PLPP5: variants seen among roughly 807,000 people sequenced by gnomAD.
The protein encoded by PLPP5 is phospholipid phosphatase 5, also known as diacylglycerol pyrophosphate like 1.
PLPP5 carries 29 observed loss-of-function variants against 23.6 expected under a neutral mutation model. The observed-to-expected ratio is 1.23, with a 90% CI of 0.92 to 1.68. The LOEUF is 1.68. PLPP5 is among the 40% of genes most tolerant of loss of function. The probability of loss-of-function intolerance (pLI) is 0.00; values close to 1 mark genes in which losing one functional copy is unlikely to be tolerated. For missense variants in PLPP5, 315 were observed against 332.1 expected (o/e 0.95, Z 0.40); for synonymous variants, 143 against 131.3 (o/e 1.09, Z -0.61).
At position 38,263,694 on chromosome 8, in the gene PLPP5, G is replaced by A. The variant is rs1304641707; in HGVS notation, c.*750C>T. On this transcript the variant is annotated 3_prime_UTR_variant, in exon 7 of 7. Coordinates refer to ENST00000424479, the MANE Select transcript of PLPP5 (RefSeq NM_001102559.2). ...GAATTGTCATCAGAGAAGGTAAACAGAATCAAAGTAATTTAGTTGGCCATG... is the reference window on the plus strand; with the variant it reads ...GAATTGTCATCAGAGAAGGTAAACAAAATCAAAGTAATTTAGTTGGCCATG... The A allele has an allele frequency of 1.0e-6, 1 of 985,058 alleles. No homozygotes were observed. The highest frequency in any genetic ancestry group is 1.7e-5 in the African/African-American group (1 of 57,206). The allele number at this position is 985,058 out of a possible 1,614,324, so 61.0% of individuals were successfully genotyped here. A position where few individuals can be genotyped will look rare whatever the true frequency, so the allele number is the denominator to read the frequency against.
intron 5 of PLPP5, chr8:38,267,018 C>T: frequency 1.4e-6 from 2 of 1,380,900 alleles, no homozygotes; most frequent in East Asian, 2.6e-5. Flanking sequence ...TACAAGATTG[C>T]AGGATCTAGG....
chr8:38,268,282 C>A, intron 3 of PLPP5, 89 bp downstream of exon 3: 2 of 1,237,004 alleles, frequency 1.6e-6, no homozygotes, highest in Middle Eastern at 2.4e-4. Context: ...AACTCAGTGG[C>A]CTCCACACAG....
intron 3 of PLPP5, 108 bp from the exon 4 acceptor site, chr8:38,268,068 C>A (rs1396826062): frequency 1.3e-6 from 2 of 1,545,570 alleles, no homozygotes. Context: ...AGAATCCAAC[C>A]AGGCCTGGGC....
Position 38,263,579 on chromosome 8 carries a change from C to T in PLPP5, c.*865G>A, listed in dbSNP as rs1807203544. ...TTATGCCCACGGTGTTCAAAATGCA[C>T]AGCAGTACCAGATGGCTGGACTCAG... On this transcript the variant is annotated 3_prime_UTR_variant, in exon 7 of 7. Coordinates refer to ENST00000424479, the MANE Select transcript of PLPP5 (RefSeq NM_001102559.2). 1.0e-6 allele frequency: 1 copy of T among 985,352 alleles called. No homozygotes were observed. Among genetic ancestry groups the T allele is most frequent in the Non-Finnish European group, 1.2e-6 (1 of 829,870 alleles). The allele number at this position is 985,352 out of a possible 1,614,324, so 61.0% of individuals were successfully genotyped here. A position where few individuals can be genotyped will look rare whatever the true frequency, so the allele number is the denominator to read the frequency against.
chr8:38,268,837 A>G (rs1808176916), intron 2 of PLPP5, 45 bp downstream of exon 2: 2 of 1,490,752 alleles, frequency 1.3e-6, no homozygotes, highest in Non-Finnish European at 1.8e-6. Context: ...GCCCGCGGGA[A>G]GCCGGGTCAT....
chr8:38,264,424 C>T lies in PLPP5; in HGVS notation c.*20G>A, dbSNP rs764734698. 1.7e-4 allele frequency: 254 copies of T among 1,530,032 alleles called. No individual in the cohort carries two copies. The highest frequency in any genetic ancestry group is 2.2e-4 in the Non-Finnish European group (246 of 1,139,376). 94.8% of individuals were successfully genotyped at this position (1,530,032 alleles called of 1,614,324 possible). ...TTGGGATTACAGGCATGAGCCACCA[C>T]GCCCGGCCAGATTCAATTTTTAAAT... On this transcript the variant is annotated 3_prime_UTR_variant, in exon 7 of 7. Coordinates refer to ENST00000424479, the MANE Select transcript of PLPP5 (RefSeq NM_001102559.2).
At position 38,267,881 on chromosome 8, in the gene PLPP5, A is replaced by C; in HGVS notation, c.338+16T>G. ...GGCTGAGGCAGATGCTGGGGTGGTTAGCTGTTGTCACTTACCTCCCTACGA... is the reference window on the plus strand; with the variant it reads ...GGCTGAGGCAGATGCTGGGGTGGTTCGCTGTTGTCACTTACCTCCCTACGA... On this transcript the variant is annotated intron_variant, in intron 4 of 6. Coordinates refer to ENST00000424479, the MANE Select transcript of PLPP5 (RefSeq NM_001102559.2). 6.2e-7 allele frequency: 1 copy of C among 1,613,216 alleles called. No homozygotes were observed. Among genetic ancestry groups the C allele is most frequent in the Admixed American group, 1.7e-5 (1 of 60,020 alleles).
chr8:38,267,799 A>G, intron 4 of PLPP5, 98 bp downstream of exon 4: 1 of 1,227,006 alleles, frequency 8.1e-7, no homozygotes, highest in Admixed American at 1.9e-5. Context: ...ATAAAGGAGA[A>G]AAGAATGAGA....
At chr8:38,267,738 GT>G in intron 4 of PLPP5, 158 bp downstream of exon 4, 1 of 759,210 alleles carries the variant, frequency 1.3e-6, no homozygotes, top group Non-Finnish European at 2.1e-6. Flanking sequence ...GAGGACTGAG[GT>G]ATGGGGAAGG....
In PLPP5 at chr8:38,268,879, C is replaced by T; in HGVS notation, c.183+3G>A. 2 of 1,551,294 alleles carry T rather than the reference C, an allele frequency of 1.3e-6. No individual in the cohort carries two copies. The highest frequency in any genetic ancestry group is 1.7e-4 in the Middle Eastern group (1 of 5,818). On this transcript the variant is annotated splice_donor_region_variant and intron_variant, in intron 2 of 6. Coordinates refer to ENST00000424479, the MANE Select transcript of PLPP5 (RefSeq NM_001102559.2). ...GGAGGAAAGACGATCTTTCTCCACGCACAAACATCGGCTTGGTGGGGAAAT... is the reference window on the plus strand; with the variant it reads ...GGAGGAAAGACGATCTTTCTCCACGTACAAACATCGGCTTGGTGGGGAAAT...
At chr8:38,267,178 A>G (rs1807752024) in intron 5 of PLPP5, 89 bp downstream of exon 5, 1 of 1,609,022 alleles carries the variant, frequency 6.2e-7, no homozygotes, top group East Asian at 2.2e-5. Context: ...AAACAAGAGT[A>G]GTCAGATTTT....
rs1464423929 is a variant in PLPP5 at position 38,269,107 on chromosome 8, G to A, written c.74+19C>T. The A allele has an allele frequency of 3.3e-6, 5 of 1,525,742 alleles. No individual in the cohort carries two copies. The highest frequency in any genetic ancestry group is 1.9e-4 in the Middle Eastern group (1 of 5,198). The allele number at this position is 1,525,742 out of a possible 1,614,324, so 94.5% of individuals were successfully genotyped here. ...CTGGGAAGCGGGGCCGCCCGGGCCCGGCCGTGGATCTTTCTTACAGGAAGG... is the reference window on the plus strand; with the variant it reads ...CTGGGAAGCGGGGCCGCCCGGGCCCAGCCGTGGATCTTTCTTACAGGAAGG... On this transcript the variant is annotated intron_variant, in intron 1 of 6. Transcript: ENST00000424479.
rs766098516 is a variant in PLPP5, at chr8:38,267,384, G to GGCGTGGCCTGGAAGAAAGCA, written c.339-13_345dup (p.Pro116CysfsTer19). On this transcript the variant is annotated frameshift_variant, in exon 5 of 7. Transcript: ENST00000424479. LOFTEE classifies it high-confidence loss of function. ...GGGAAGCAGCGGTAGAAGAAATCTG[G>GGCGTGGCCTGGAAGAAAGCA]GCGTGGCCTGGAAGAAAGCAGCATG... 2.5e-6 allele frequency: 4 copies of GGCGTGGCCTGGAAGAAAGCA among 1,613,160 alleles called. No homozygotes were observed. Among genetic ancestry groups the GGCGTGGCCTGGAAGAAAGCA allele is most frequent in the Non-Finnish European group, 3.4e-6 (4 of 1,179,526 alleles).
At chr8:38,267,425 A>C (rs749764416) in intron 4 of PLPP5, 34 bp from the exon 5 acceptor site, 1 of 1,603,608 alleles carries the variant, frequency 6.2e-7, no homozygotes, top group African/African-American at 1.3e-5. Flanking sequence ...AACGTAAATC[A>C]TTAACTCCAG....
intron 5 of PLPP5, 78 bp downstream of exon 5, chr8:38,267,189 C>T: frequency 6.2e-7 from 1 of 1,611,156 alleles, no homozygotes. Flanking sequence ...GTCAGATTTT[C>T]CCATCCCTAC....
At chr8:38,264,917 A>G in intron 6 of PLPP5, 1 of 1,612,810 alleles carries the variant, frequency 6.2e-7, no homozygotes, top group Non-Finnish European at 8.5e-7. Context: ...ACTTATTGCT[A>G]TTCATCTGCC....
intron 6 of PLPP5, chr8:38,265,769 A>G (rs1807497109): frequency 6.2e-6 from 1 of 162,498 alleles, no homozygotes; most frequent in Non-Finnish European, 1.3e-5. Flanking sequence ...TTCAGCTTAA[A>G]TTTGTTTGGT....
chr8:38,265,863 G>T (rs1785321058), intron 6 of PLPP5, among the ~76,000 whole-genome samples: 2 of 152,298 alleles, frequency 1.3e-5, no homozygotes, highest in South Asian at 4.1e-4. Context: ...TTTTAAGAGA[G>T]TAAATTGAAC....
chr8:38,268,715 T>G, intron 2 of PLPP5, 167 bp downstream of exon 2: 1 of 1,432,464 alleles, frequency 7.0e-7, no homozygotes, highest in Non-Finnish European at 9.1e-7. Context: ...CACCCTCCTC[T>G]CTCAATCAGG....
Sources: gnomAD v4.1 joint callset for allele counts (sites outside exome capture counted in the v4.1 genomes callset) on GRCh38, gnomAD v4.1.1 for gene constraint, MANE v1.5 for transcripts, NCBI Gene and HGNC (gene_info 2026-07-23, HGNC 2026-07-21) for gene names.